HIPK3: variants seen among roughly 807,000 people sequenced by gnomAD.
The protein encoded by HIPK3 is homeodomain-interacting protein kinase 3.
Under a neutral mutation model 124.2 loss-of-function variants are expected in HIPK3, and 47 were observed. The observed-to-expected ratio is 0.38, with a 90% CI of 0.30 to 0.48. The LOEUF (loss-of-function observed/expected upper bound fraction) is 0.48, where lower values mean the gene tolerates loss of function less well. Ranked by LOEUF, HIPK3 falls within the 20% of genes least tolerant of loss-of-function variation. The pLI is 0.98. For missense variants in HIPK3, 1,286 were observed against 1,454.3 expected, an observed-to-expected ratio of 0.88 and a Z score of 1.88; for synonymous variants, 482 against 515.2, an observed-to-expected ratio of 0.94 and a Z score of 0.87.
At chr11:33,256,804 A>T (rs1850676901), upstream of HIPK3, 1 of 643,328 alleles carries the variant, frequency 1.6e-6, no homozygotes, top group Non-Finnish European at 1.9e-6. Context: ...TGCTCTTAAA[A>T]TTTCCAAGAG....
chr11:33,306,458 T>C (rs1489331045), intron 2 of HIPK3, among the ~76,000 whole-genome samples: 1 of 139,924 alleles, frequency 7.1e-6, no homozygotes, highest in Non-Finnish European at 1.5e-5. Flanking sequence ...TTACTTGCTC[T>C]AAATTGCTTT....
chr11:33,333,553 A>T (rs1408573181), intron 3 of HIPK3, among the ~76,000 whole-genome samples: 1 of 152,132 alleles, frequency 6.6e-6, no homozygotes, highest in African/African-American at 2.4e-5. Flanking sequence ...TTCTTCATCC[A>T]CTGGAGATGG....
Position 33,341,587 on chromosome 11 carries a change from G to C in HIPK3, c.1798G>C (p.Val600Leu). The change falls in exon 8 of 17, where the codon GTT (valine) becomes CTT (leucine). Residue 600 changes from valine (V) to leucine (L), a missense_variant. Transcript: ENST00000303296. ...GGCATTGACCACATCTGCTCATTCA[G>C]TTGTGCACCATGGAATACCTCTGCA... ...SQALTTSAHS[V>L]VHHGIPLQAG... 6.2e-7 allele frequency: 1 copy of C among 1,613,574 alleles called. No homozygotes were observed. The highest frequency in any genetic ancestry group is 8.5e-7 in the Non-Finnish European group (1 of 1,179,758).
intron 1 of HIPK3, among the ~76,000 whole-genome samples, chr11:33,268,047 C>T (rs1455100931): frequency 2.0e-5 from 3 of 151,650 alleles, no homozygotes; most frequent in African/African-American, 4.8e-5. Flanking sequence ...CCCATCTCTA[C>T]TAAAAATACA....
intron 1 of HIPK3, among the ~76,000 whole-genome samples, chr11:33,272,671 T>G (rs1367705231): frequency 6.6e-6 from 1 of 151,932 alleles, no homozygotes; most frequent in East Asian, 1.9e-4. Context: ...CCTTTTTCCT[T>G]TATTCTTTTT....
At chr11:33,307,830 G>A (rs544117981) in intron 2 of HIPK3, among the ~76,000 whole-genome samples, 17 of 151,594 alleles carry the variant, frequency 1.1e-4, no homozygotes, top group Non-Finnish European at 1.9e-4. Flanking sequence ...GAAACTTTTG[G>A]GAAAATACCT....
chr11:33,301,963 A>C (rs1346138987), intron 2 of HIPK3, among the ~76,000 whole-genome samples: 1 of 152,094 alleles, frequency 6.6e-6, no homozygotes, highest in Non-Finnish European at 1.5e-5. Flanking sequence ...GGAAACCAAA[A>C]ATTTGTGTGA....
intron 1 of HIPK3, among the ~76,000 whole-genome samples, chr11:33,276,607 T>C (rs1020548523): frequency 4.6e-5 from 7 of 152,358 alleles, no homozygotes; most frequent in African/African-American, 1.4e-4. Flanking sequence ...GTTACCAAAT[T>C]GGTATGGTTA....
chr11:33,322,821 G>A (rs1383220651), intron 2 of HIPK3, among the ~76,000 whole-genome samples: 2 of 152,138 alleles, frequency 1.3e-5, no homozygotes, highest in African/African-American at 2.4e-5. Context: ...GCGAGACTCC[G>A]TCTCAGAAAA....
At chr11:33,268,129 T>G (rs1851022245) in intron 1 of HIPK3, among the ~76,000 whole-genome samples, 1 of 152,078 alleles carries the variant, frequency 6.6e-6, no homozygotes, top group Admixed American at 6.6e-5. Context: ...GAGAATTGCT[T>G]GAACCCAGGA....
At chr11:33,290,426 T>C (rs1293948288) in intron 2 of HIPK3, among the ~76,000 whole-genome samples, 1 of 152,080 alleles carries the variant, frequency 6.6e-6, no homozygotes, top group Non-Finnish European at 1.5e-5. Flanking sequence ...GTTTTTTTCT[T>C]TCCCTTGGTA....
intron 1 of HIPK3, chr11:33,258,755 A>T: frequency 1.0e-6 from 1 of 980,422 alleles, no homozygotes; most frequent in Non-Finnish European, 1.2e-6. Context: ...TGCGCTGAAG[A>T]GTGTGTGCGT....
At position 33,349,270 on chromosome 11, in the gene HIPK3, C is replaced by T; in HGVS notation, c.2790C>T (p.Pro930=). The change falls in exon 14 of 17, where the codon CCC becomes CCT. Residue 930 remains proline (P), a synonymous_variant. Coordinates refer to ENST00000303296, the MANE Select transcript of HIPK3 (RefSeq NM_005734.5). The stretch of plus-strand genomic sequence containing the variant: ...CCTCAGGGCAGTCCAGCCCATCCCC[C>T]TGCAAGAGACCGAATAGGTAAAAGA... The part of the protein sequence containing the change: ...TSSSGQSSPS[P]CKRPNSMSDE... 1 of 1,612,522 alleles carries T rather than the reference C, an allele frequency of 6.2e-7. No individual in the cohort carries two copies. Among genetic ancestry groups the T allele is most frequent in the Non-Finnish European group, 8.5e-7 (1 of 1,179,416 alleles).
Position 33,286,643 on chromosome 11 carries a change from T to C in HIPK3, c.229T>C (p.Ser77Pro), listed in dbSNP as rs748606217. 5.0e-6 allele frequency: 8 copies of C among 1,614,086 alleles called. No homozygotes were observed. The African/African-American group carries it at 8.0e-5, about 16-fold the overall frequency. ...PFNRPRGHNF[S>P]LQTSAVVLKN... is the part of the protein sequence containing the mutation. ...TAATAGACCTCGAGGACACAACTTT[T>C]CATTGCAGACAAGTGCTGTTGTTTT... Residue 77 changes from serine (S) to proline (P), a missense_variant, in exon 2 of 17, where the codon TCA becomes CCA. This residue lies in a region of HIPK3 where 225 missense variants were observed against 240.3 expected (regional missense o/e 0.94). Coordinates refer to ENST00000303296, the MANE Select transcript of HIPK3 (RefSeq NM_005734.5).
chr11:33,334,316 G>A (rs1211844753), intron 3 of HIPK3, among the ~76,000 whole-genome samples: 1 of 152,170 alleles, frequency 6.6e-6, no homozygotes, highest in East Asian at 1.9e-4. Context: ...CTTGAGCTGA[G>A]TCTTGAAGAA....
chr11:33,279,324 C>CAAAA (rs869091127), intron 1 of HIPK3, among the ~76,000 whole-genome samples: 20 of 77,512 alleles, frequency 2.6e-4, no homozygotes, highest in Admixed American at 9.5e-4. Context: ...CTCTTTGTCT[C>CAAAA]AAAAAAAAAA....
At position 33,347,936 on chromosome 11, in the gene HIPK3, G is replaced by T. The variant is rs775773329; in HGVS notation, c.2229G>T (p.Gln743His). 1 of 1,614,102 alleles carries T rather than the reference G, an allele frequency of 6.2e-7. No individual in the cohort carries two copies. The highest frequency in any genetic ancestry group is 8.5e-7 in the Non-Finnish European group (1 of 1,179,980). ...ATCAGATAACTTTATCTGCCCCTCA[G>T]CCAGTTAGTGTGGGGATTGCACATG... is the stretch of plus-strand genomic sequence containing the variant. Reference protein sequence around the residue: ...LTNQITLSAPQPVSVGIAHVV... With the variant: ...LTNQITLSAPHPVSVGIAHVV... Residue 743 changes from glutamine (Q) to histidine (H), a missense_variant, in exon 11 of 17, where the codon CAG becomes CAT. Around this residue, in one of 3 missense-constraint regions of HIPK3, gnomAD observed 810 missense variants for 864.9 expected, o/e 0.94. Coordinates refer to ENST00000303296, the MANE Select transcript of HIPK3 (RefSeq NM_005734.5).
rs771047290 is a variant in HIPK3 at position 33,339,353 on chromosome 11, A to G, written c.1432A>G (p.Asn478Asp). The change falls in exon 6 of 17, where the codon AAC (asparagine) becomes GAC (aspartate). Residue 478 changes from asparagine (N) to aspartate (D), a missense_variant. Asn to Asp is a conservative substitution (Grantham distance 23, BLOSUM62 1). Coordinates refer to ENST00000303296, the MANE Select transcript of HIPK3 (RefSeq NM_005734.5). ...CTTGAAATTTTGATTTTCTTAGGTG[A>G]ACACAGTGATGGATTTGGAAGGAAG... is the stretch of plus-strand genomic sequence containing the variant. ...FNSLDDVAHV[N>D]TVMDLEGSDL... 2.5e-6 allele frequency: 4 copies of G among 1,611,160 alleles called. No homozygotes were observed. The highest frequency in any genetic ancestry group is 3.4e-6 in the Non-Finnish European group (4 of 1,177,726).
chr11:33,258,353 C>G (rs1032268657), intron 1 of HIPK3: 2 of 985,608 alleles, frequency 2.0e-6, no homozygotes, highest in Non-Finnish European at 2.4e-6. Context: ...AACAAACAAA[C>G]GCGCAGGCAC....
Sources: allele counts gnomAD v4.1 joint callset (sites outside exome capture counted in the v4.1 genomes callset), GRCh38; gene constraint gnomAD v4.1.1; regional missense constraint gnomAD v4.1.1; transcripts MANE v1.5; gene names NCBI Gene and HGNC (gene_info 2026-07-23, HGNC 2026-07-21).